Variants in IL2RB observed in about 807,000 individuals in gnomAD.
The protein encoded by IL2RB is interleukin-2 receptor subunit beta.
In IL2RB, 17 loss-of-function variants were observed where a neutral mutation model predicts 44.2. The observed-to-expected ratio is 0.38, with a 90% confidence interval of 0.26 to 0.58. The LOEUF (loss-of-function observed/expected upper bound fraction) is 0.58. IL2RB is among the 20% of genes least tolerant of loss of function. IL2RB has a pLI of 0.63. For synonymous variants in IL2RB, 286 were observed against 297.9 expected, an observed-to-expected ratio of 0.96 and a Z score of 0.41; for missense variants, 624 against 685.5, an observed-to-expected ratio of 0.91 and a Z score of 1.00.
At chr22:37,166,306 C>A (rs534695489) in intron 1 of IL2RB, among the ~76,000 whole-genome samples, 102 of 152,314 alleles carry the variant, frequency 6.7e-4, no homozygotes, top group African/African-American at 2.3e-3. Context: ...CCAAAACTGG[C>A]ACATCCACAC....
chr22:37,139,085 T>A, intron 5 of IL2RB, 32 bp downstream of exon 5: 7 of 1,398,636 alleles, frequency 5.0e-6, no homozygotes, highest in Non-Finnish European at 7.1e-6. Flanking sequence ...TGCCCAGCCC[T>A]GCCCCAGCCC....
chr22:37,158,530 C>G (rs1284416132), intron 1 of IL2RB, among the ~76,000 whole-genome samples: 1 of 151,956 alleles, frequency 6.6e-6, no homozygotes, highest in Non-Finnish European at 1.5e-5. Context: ...CGCACTCGAG[C>G]CTGGGTGACT....
chr22:37,143,392 A>T, intron 3 of IL2RB, 129 bp downstream of exon 3: 1 of 632,914 alleles, frequency 1.6e-6, no homozygotes, highest in Non-Finnish European at 2.8e-6. Context: ...AACTCCTGTG[A>T]TTCAAAAAGT....
chr22:37,128,413 C>G lies in IL2RB; in HGVS notation c.1339G>C (p.Gly447Arg). 1 of 1,519,372 alleles carries G rather than the reference C, an allele frequency of 6.6e-7. No homozygotes were observed. The highest frequency in any genetic ancestry group is 1.4e-5 in the African/African-American group (1 of 71,864). 94.1% of individuals were successfully genotyped at this position (1,519,372 alleles called of 1,614,324 possible). Residue 447 changes from glycine (G) to arginine (R), a missense_variant, in exon 10 of 10, where the codon GGC (glycine) becomes CGC (arginine). Physicochemically the swap from Gly to Arg is moderately radical, Grantham distance 125. Around this residue, in one of 3 missense-constraint regions of IL2RB, gnomAD observed 291 missense variants for 275.5 expected, o/e 1.06. Transcript: ENST00000216223. This position sits in a 1 kb window ranked among gnomAD's most constrained non-coding sequence, Gnocchi z 4.5. ...GPSPPSTAPGGSGAGEERMPP... is the reference protein window; with the variant it reads ...GPSPPSTAPGRSGAGEERMPP... ...ATCCTCTCTTCACCGGCCCCACTGC[C>G]CCCAGGGGCAGTGCTTGGGGGGCTG...
chr22:37,147,086 A>G (rs1433379585), intron 1 of IL2RB, among the ~76,000 whole-genome samples: 1 of 152,214 alleles, frequency 6.6e-6, no homozygotes, highest in African/African-American at 2.4e-5. Flanking sequence ...AGCCCAGCAC[A>G]GAGCTGGGAT....
chr22:37,169,835 A>C (rs965339277), intron 1 of IL2RB, among the ~76,000 whole-genome samples: 2 of 152,114 alleles, frequency 1.3e-5, no homozygotes, highest in African/African-American at 4.8e-5. Flanking sequence ...CTCCCCAACT[A>C]AAGTGGGTGC....
chr22:37,149,700 G>C (rs1309189304), intron 1 of IL2RB, 125 bp downstream of exon 1: 1 of 299,074 alleles, frequency 3.3e-6, no homozygotes, highest in Non-Finnish European at 4.9e-6. Flanking sequence ...ACAAAGTTGG[G>C]GGATGGGAGT....
rs1203877345 is a variant in IL2RB at position 37,128,092 on chromosome 22, C to T, written c.*4G>A. The T allele has an allele frequency of 2.0e-6, 3 of 1,525,268 alleles. No individual in the cohort carries two copies. In the South Asian group the frequency reaches 3.9e-5, roughly 20 times the overall value. The allele number at this position is 1,525,268 out of a possible 1,614,324, so 94.5% of individuals were successfully genotyped here. ...GCTGCCTGCCTCCCACCCTGGCCAT[C>T]TGTCTACACCAAGTGAGTTGGGTCC... is the stretch of plus-strand genomic sequence containing the variant. On this transcript the variant is annotated 3_prime_UTR_variant, in exon 10 of 10. Coordinates refer to ENST00000216223, the MANE Select transcript of IL2RB (RefSeq NM_000878.5). This position sits in a 1 kb window ranked among gnomAD's most constrained non-coding sequence, Gnocchi z 4.5.
In IL2RB at chr22:37,127,789, T is replaced by A; in HGVS notation, c.*307A>T. 1 of 253,724 alleles carries A rather than the reference T, an allele frequency of 3.9e-6. No homozygotes were observed. The allele number at this position is 253,724 out of a possible 1,614,324, so 15.7% of individuals were successfully genotyped here. A position where few individuals can be genotyped will look rare whatever the true frequency, so the allele number is the denominator to read the frequency against. ...TGATATTGGTGAATAGCTGCAGGGC[T>A]GGAGAGGAGCGATGCTTCTGAGCCT... is the stretch of plus-strand genomic sequence containing the variant. On this transcript the variant is annotated 3_prime_UTR_variant, in exon 10 of 10. Coordinates refer to ENST00000216223, the MANE Select transcript of IL2RB (RefSeq NM_000878.5).
At chr22:37,129,360 G>A (rs913284038) in intron 9 of IL2RB, among the ~76,000 whole-genome samples, 2 of 152,202 alleles carry the variant, frequency 1.3e-5, no homozygotes, top group African/African-American at 4.8e-5. Flanking sequence ...GCAGAGCTGG[G>A]ACCCAGGGTC....
intron 1 of IL2RB, among the ~76,000 whole-genome samples, chr22:37,160,874 G>A (rs1248374158): frequency 6.6e-6 from 1 of 152,046 alleles, no homozygotes; most frequent in Non-Finnish European, 1.5e-5. Flanking sequence ...GGATGCGGTG[G>A]CTCACACCTG....
chr22:37,139,061 T>C (rs375117405), intron 5 of IL2RB, 56 bp downstream of exon 5: 34 of 1,126,434 alleles, frequency 3.0e-5, no homozygotes, highest in East Asian at 9.6e-5. Flanking sequence ...CCAGAGGAGG[T>C]GGAAGGAAGG....
At chr22:37,172,543 C>G (rs1414595696) in intron 1 of IL2RB, among the ~76,000 whole-genome samples, 1 of 152,038 alleles carries the variant, frequency 6.6e-6, no homozygotes, top group Non-Finnish European at 1.5e-5. Flanking sequence ...TGGGCAGTGG[C>G]GAGGGGTCCC....
chr22:37,147,698 TG>T lies in IL2RB; in HGVS notation c.-34+2126del, dbSNP rs1258435596. Among the ~76,000 whole-genome samples the T allele has an allele frequency of 5.9e-5, 9 of 152,224 alleles. No homozygotes were observed. In the East Asian group the frequency reaches 1.7e-3, roughly 29 times the overall value. On this transcript the variant is annotated intron_variant, in intron 1 of 9. Coordinates refer to ENST00000216223, the MANE Select transcript of IL2RB (RefSeq NM_000878.5). The stretch of plus-strand genomic sequence containing the variant: ...GGTAAGGCTGCCACCCTCTCTGTCC[TG>T]GGAGTCAGGACCCAGCAGCTCACAG...
Position 37,128,945 on chromosome 22 carries a change from T to A in IL2RB, c.904-97A>T. ...AACAGCTCCTAACTCCTCCTCCTCC[T>A]GAAGCAGTTGGCCCAGGGCTGCCCC... On this transcript the variant is annotated intron_variant, in intron 9 of 9. Coordinates refer to ENST00000216223, the MANE Select transcript of IL2RB (RefSeq NM_000878.5). The surrounding 1 kb of genome is among the most constrained non-coding windows in gnomAD (Gnocchi z 4.5). 7.2e-7 allele frequency: 1 copy of A among 1,387,812 alleles called. No individual in the cohort carries two copies. Among genetic ancestry groups the A allele is most frequent in the Non-Finnish European group, 9.6e-7 (1 of 1,040,728 alleles). 86.0% of individuals were successfully genotyped at this position (1,387,812 alleles called of 1,614,324 possible). A position where few individuals can be genotyped will look rare whatever the true frequency, so the allele number is the denominator to read the frequency against.
chr22:37,167,234 C>A (rs1923114140), intron 1 of IL2RB, among the ~76,000 whole-genome samples: 1 of 152,100 alleles, frequency 6.6e-6, no homozygotes, highest in East Asian at 1.9e-4. Flanking sequence ...TATCCCTTTC[C>A]TCGGCCCTGG....
At chr22:37,158,800 A>G (rs1256950138) in intron 1 of IL2RB, among the ~76,000 whole-genome samples, 1 of 152,182 alleles carries the variant, frequency 6.6e-6, no homozygotes, top group East Asian at 1.9e-4. Context: ...ATCCCTGGAC[A>G]CTGCTAGCAG....
chr22:37,130,745 G>C (rs1480947876), intron 9 of IL2RB, among the ~76,000 whole-genome samples: 1 of 152,240 alleles, frequency 6.6e-6, no homozygotes, highest in Non-Finnish European at 1.5e-5. Context: ...CAGTTCAATG[G>C]GAGAATCTCT....
At position 37,136,303 on chromosome 22, in the gene IL2RB, C is replaced by T. The variant is rs748219773; in HGVS notation, c.628G>A (p.Val210Ile). The change falls in exon 7 of 10, where the codon GTC becomes ATC. Residue 210 changes from valine to isoleucine, a missense_variant. Val to Ile is a conservative substitution (Grantham distance 29). Around this residue, in one of 3 missense-constraint regions of IL2RB, gnomAD observed 255 missense variants for 339.9 expected, o/e 0.75. Coordinates refer to ENST00000216223, the MANE Select transcript of IL2RB (RefSeq NM_000878.5). ...GTGAACTCGCCTTGCAGAGGCTTGACCCGCACCTGAAACTCATACTGGGTG... is the reference window on the plus strand; with the variant it reads ...GTGAACTCGCCTTGCAGAGGCTTGATCCGCACCTGAAACTCATACTGGGTG... ...PDTQYEFQVR[V>I]KPLQGEFTTW... 2 of 1,612,952 alleles carry T rather than the reference C, an allele frequency of 1.2e-6. No individual in the cohort carries two copies. The highest frequency in any genetic ancestry group is 1.1e-5 in the South Asian group (1 of 90,842).
Sources: allele counts gnomAD v4.1 joint callset (sites outside exome capture counted in the v4.1 genomes callset), GRCh38; gene constraint gnomAD v4.1.1; regional missense constraint gnomAD v4.1.1; non-coding constraint Gnocchi (gnomAD v3.1); transcripts MANE v1.5; gene names NCBI Gene and HGNC (gene_info 2026-07-23, HGNC 2026-07-21).